The following MPDU1 variants were observed in gnomAD, a reference collection of about 807,000 sequenced individuals.
MPDU1 encodes mannose-P-dolichol utilization defect 1 protein.
MPDU1 carries 18 observed loss-of-function variants against 27.6 expected under a neutral mutation model. The ratio of observed to expected loss-of-function variants is 0.65; its 90% CI spans 0.45 to 0.97. The LOEUF (loss-of-function observed/expected upper bound fraction) is 0.97. Among genes scored for constraint, MPDU1 ranks in the 50% least tolerant of loss-of-function variants. The probability of loss-of-function intolerance (pLI) is 0.00; values close to 1 mark genes in which losing one functional copy is unlikely to be tolerated. For missense variants in MPDU1, 279 were observed against 297.4 expected, an observed-to-expected ratio of 0.94 and a Z score of 0.46; for synonymous variants, 142 against 131.1, an observed-to-expected ratio of 1.08 and a Z score of -0.57.
At chr17:7,585,708 G>C in intron 1 of MPDU1, 24 bp from the exon 2 acceptor site, 1 of 1,613,338 alleles carries the variant, frequency 6.2e-7, no homozygotes, top group Non-Finnish European at 8.5e-7. Flanking sequence ...TCTCCTGTCT[G>C]CTTACCCTTT....
chr17:7,586,916 TGCTACG>T lies in MPDU1; in HGVS notation c.409_414del (p.Tyr137_Gly138del). On this transcript the variant is annotated inframe_deletion, in exon 5 of 7. Transcript: ENST00000250124. Reference sequence around the variant, plus strand: ...ACCCCTAGGTGTCGCTTTCCTCGCTTGCTACGGCCTGGTCCTGCTGGTGCTTCTCTC... The same window carrying T: ...ACCCCTAGGTGTCGCTTTCCTCGCTTGCCTGGTCCTGCTGGTGCTTCTCTC... The T allele has an allele frequency of 6.2e-7, 1 of 1,614,106 alleles. No homozygotes were observed. The highest frequency in any genetic ancestry group is 8.5e-7 in the Non-Finnish European group (1 of 1,180,026).
intron 6 of MPDU1, 26 bp from the exon 7 acceptor site, chr17:7,587,400 A>T (rs201298928): frequency 1.2e-6 from 2 of 1,613,936 alleles, no homozygotes; most frequent in African/African-American, 2.7e-5. Flanking sequence ...CTGAAGGGTA[A>T]CCCTGGCTCT....
chr17:7,583,884 C>T lies in MPDU1; in HGVS notation c.22C>T (p.Pro8Ser), dbSNP rs935773343. The stretch of plus-strand genomic sequence containing the variant: ...CAATATGGCGGCCGAGGCGGACGGA[C>T]CGCTTAAACGGCTGCTCGTGCCGAT... MAAEADG[P>S]LKRLLVPILL... is the part of the protein sequence containing the mutation. Residue 8 changes from proline to serine, a missense_variant, in exon 1 of 7, where the codon CCG (proline) becomes TCG (serine). Pro to Ser is a moderately conservative substitution (Grantham distance 74, BLOSUM62 -1). Coordinates refer to ENST00000250124, the MANE Select transcript of MPDU1 (RefSeq NM_004870.4). 5.6e-6 allele frequency: 9 copies of T among 1,614,018 alleles called. No individual in the cohort carries two copies. In the Admixed American group the frequency reaches 1.2e-4, roughly 21 times the overall value.
rs770403692 is a variant in MPDU1, at chr17:7,586,026, G to A, written c.250G>A (p.Val84Met). Residue 84 changes from valine to methionine, a missense_variant, in exon 3 of 7, where the codon GTG becomes ATG. Val to Met is a conservative substitution (Grantham distance 21). Transcript: ENST00000250124. ...TCTCCAGTCTGTAATGCTGGAGCTA[G>A]TGGCATTGACTGGGACCATGGTCTA... ...LSLQSVMLEL[V>M]ALTGTMVYSI... The A allele has an allele frequency of 2.5e-6, 4 of 1,614,008 alleles. No individual in the cohort carries two copies. Among genetic ancestry groups the A allele is most frequent in the Non-Finnish European group, 3.4e-6 (4 of 1,180,042 alleles).
At chr17:7,583,743 G>A (rs2071531213), upstream of MPDU1, 2 of 1,015,712 alleles carry the variant, frequency 2.0e-6, no homozygotes, top group Non-Finnish European at 3.1e-6. Context: ...AGAAAGAGCG[G>A]GGCACGGGGC....
rs367944451 is a variant in MPDU1, at chr17:7,587,508, A to G, written c.701A>G (p.Tyr234Cys). ...NGLIAAQLLFYWNAKPPHKQK... is the reference protein window; with the variant it reads ...NGLIAAQLLFCWNAKPPHKQK... ...CTCATCGCCGCCCAGCTGCTCTTCT[A>G]CTGGAATGCAAAGCCTCCCCACAAG... The change falls in exon 7 of 7, where the codon TAC becomes TGC. Residue 234 changes from tyrosine to cysteine, a missense_variant. By Grantham distance (194) the Tyr-to-Cys change is radical (BLOSUM62 -2). Transcript: ENST00000250124. 1.9e-6 allele frequency: 3 copies of G among 1,613,530 alleles called. No individual in the cohort carries two copies. Among genetic ancestry groups the G allele is most frequent in the Non-Finnish European group, 2.5e-6 (3 of 1,179,930 alleles).
Position 7,587,227 on chromosome 17 carries a change from C to T in MPDU1, c.574C>T (p.Leu192=), listed in dbSNP as rs2071599968. The T allele has an allele frequency of 1.9e-6, 3 of 1,614,080 alleles. No individual in the cohort carries two copies. The highest frequency in any genetic ancestry group is 2.5e-6 in the Non-Finnish European group (3 of 1,180,014). ...TGQLSAITVF[L]LFGGSLARIF... is the part of the protein sequence containing the mutation. ...CCAGCTCTCAGCCATCACAGTCTTCCTGCTGTTTGGGGGCTCCCTGGCCCG... is the reference window on the plus strand; with the variant it reads ...CCAGCTCTCAGCCATCACAGTCTTCTTGCTGTTTGGGGGCTCCCTGGCCCG... Residue 192 remains leucine, a synonymous_variant, in exon 6 of 7, where the codon CTG becomes TTG. Coordinates refer to ENST00000250124, the MANE Select transcript of MPDU1 (RefSeq NM_004870.4).
chr17:7,585,362 C>A (rs567440030), intron 1 of MPDU1, among the ~76,000 whole-genome samples: 105 of 152,080 alleles, frequency 6.9e-4, no homozygotes, highest in Non-Finnish European at 8.8e-5. Flanking sequence ...CATGGTGAAA[C>A]CCTGTCTCTA....
At chr17:7,586,246 A>C (rs1039055904) in intron 3 of MPDU1, 168 bp downstream of exon 3, 26 of 768,082 alleles carry the variant, frequency 3.4e-5, no homozygotes, top group African/African-American at 5.2e-5. Context: ...AGGAGTTCGA[A>C]CTGGCCAACA....
In MPDU1 at chr17:7,587,952, G is replaced by A. The variant is rs1003060823; in HGVS notation, c.*401G>A. On this transcript the variant is annotated 3_prime_UTR_variant, in exon 7 of 7. Transcript: ENST00000250124. The stretch of plus-strand genomic sequence containing the variant: ...GACTGAGTCTGGACGGCAGAGTGGA[G>A]GGACTGGGAGGCTGTGGCTGCCTCC... 4.2e-6 allele frequency: 2 copies of A among 478,268 alleles called. No individual in the cohort carries two copies. Among genetic ancestry groups the A allele is most frequent in the Middle Eastern group, 6.4e-4 (1 of 1,572 alleles). The allele number at this position is 478,268 out of a possible 1,614,324, so 29.6% of individuals were successfully genotyped here. A position where few individuals can be genotyped will look rare whatever the true frequency, so the allele number is the denominator to read the frequency against.
At chr17:7,585,070 T>C (rs1567742150) in intron 1 of MPDU1, among the ~76,000 whole-genome samples, 1 of 152,114 alleles carries the variant, frequency 6.6e-6, no homozygotes, top group Non-Finnish European at 1.5e-5. Context: ...GGGGCACCCA[T>C]TGGCCCAGAG....
intron 1 of MPDU1, among the ~76,000 whole-genome samples, chr17:7,585,227 A>C (rs971889501): frequency 3.9e-5 from 6 of 151,928 alleles, no homozygotes; most frequent in African/African-American, 1.5e-4. Flanking sequence ...CATCGGAGAA[A>C]AGCTGTTTTG....
intron 3 of MPDU1, chr17:7,586,303 G>T (rs922807904): frequency 3.0e-5 from 17 of 563,472 alleles, no homozygotes; most frequent in East Asian, 2.7e-4. Context: ...GCTGGGTGTG[G>T]TGATGGGCAC....
Position 7,587,714 on chromosome 17 carries a change from TC to T in MPDU1, c.*165del. Reference sequence around the variant, plus strand: ...TTAGTGGAAACAAATGGTTGATGGATCCAGATCCTTAGAAAAGGAGAGGATG... The same window carrying T: ...TTAGTGGAAACAAATGGTTGATGGATCAGATCCTTAGAAAAGGAGAGGATG... On this transcript the variant is annotated 3_prime_UTR_variant, in exon 7 of 7. Coordinates refer to ENST00000250124, the MANE Select transcript of MPDU1 (RefSeq NM_004870.4). The T allele has an allele frequency of 9.5e-7, 1 of 1,052,406 alleles. No individual in the cohort carries two copies. Among genetic ancestry groups the T allele is most frequent in the Non-Finnish European group, 1.4e-6 (1 of 705,238 alleles). 65.2% of individuals were successfully genotyped at this position (1,052,406 alleles called of 1,614,324 possible).
At chr17:7,583,794 T>G (rs749125739), upstream of MPDU1, 1 of 1,528,476 alleles carries the variant, frequency 6.5e-7, no homozygotes, top group South Asian at 1.1e-5. Flanking sequence ...AGGCGGAGTG[T>G]CCGCAGCGCG....
In MPDU1 at chr17:7,587,690, T is replaced by A; in HGVS notation, c.*139T>A. ...GACTTTCTGAGCCAGGGTTTTCTTT[T>A]AGTGGAAACAAATGGTTGATGGATC... On this transcript the variant is annotated 3_prime_UTR_variant, in exon 7 of 7. Coordinates refer to ENST00000250124, the MANE Select transcript of MPDU1 (RefSeq NM_004870.4). 1 of 1,245,230 alleles carries A rather than the reference T, an allele frequency of 8.0e-7. No individual in the cohort carries two copies. Among genetic ancestry groups the A allele is most frequent in the South Asian group, 1.2e-5 (1 of 80,242 alleles). The allele number at this position is 1,245,230 out of a possible 1,614,324, so 77.1% of individuals were successfully genotyped here.
intron 1 of MPDU1, 151 bp from the exon 2 acceptor site, chr17:7,585,581 G>C (rs1461326765): frequency 1.4e-6 from 1 of 697,848 alleles, no homozygotes; most frequent in Non-Finnish European, 2.5e-6. Flanking sequence ...GAAGGACCAG[G>C]ACTTTCTCAC....
chr17:7,583,963 A>G lies in MPDU1; in HGVS notation c.101A>G (p.His34Arg). The stretch of plus-strand genomic sequence containing the variant: ...CTTTTCGTTCAGTGGGACTTGCTTC[A>G]CGGTGAGTTTTATTCAGCATCCGAT... ...DQLFVQWDLL[H>R]VPCLKILLSK... Residue 34 changes from histidine to arginine, a missense_variant and splice_region_variant, in exon 1 of 7, where the codon CAC becomes CGC. Coordinates refer to ENST00000250124, the MANE Select transcript of MPDU1 (RefSeq NM_004870.4). 1 of 1,613,880 alleles carries G rather than the reference A, an allele frequency of 6.2e-7. No homozygotes were observed. The highest frequency in any genetic ancestry group is 8.5e-7 in the Non-Finnish European group (1 of 1,179,952).
chr17:7,585,609 C>T lies in MPDU1; in HGVS notation c.104-123C>T, dbSNP rs2071568962. The T allele has an allele frequency of 1.8e-5, 16 of 880,968 alleles. 1 individual carries two copies. In the Middle Eastern group the frequency reaches 9.9e-4, roughly 55 times the overall value. The allele number at this position is 880,968 out of a possible 1,614,324, so 54.6% of individuals were successfully genotyped here. ...TTTCTCACTGCCCTCCGCCTCTCCT[C>T]CCCCCAAGACAATGCAAGACCCTGG... On this transcript the variant is annotated intron_variant, in intron 1 of 6. Transcript: ENST00000250124.
Sources: allele counts gnomAD v4.1 joint callset (sites outside exome capture counted in the v4.1 genomes callset), GRCh38; gene constraint gnomAD v4.1.1; transcripts MANE v1.5; gene names NCBI Gene and HGNC (gene_info 2026-07-23, HGNC 2026-07-21).